The following FAM20C variants were observed in gnomAD, a reference collection of about 807,000 sequenced individuals.
The protein encoded by FAM20C is FAM20C golgi associated secretory pathway kinase.
Under a neutral mutation model 51.5 loss-of-function variants are expected in FAM20C, and 40 were observed. The observed-to-expected ratio is 0.78, with a 90% CI of 0.60 to 1.01. The LOEUF (loss-of-function observed/expected upper bound fraction) is 1.01. Ranked by LOEUF, FAM20C falls within the 50% of genes least tolerant of loss-of-function variation. The pLI is 0.00. For missense variants in FAM20C, 861 were observed against 844.7 expected (o/e 1.02, Z -0.24); for synonymous variants, 406 against 380.6 (o/e 1.07, Z -0.78).
chr7:228,092 C>T lies in FAM20C; in HGVS notation c.864-18323C>T, dbSNP rs115576870. On this transcript the variant is annotated intron_variant, in intron 3 of 9. Transcript: ENST00000313766. ...GCCCTTTAGCCGCACCACAGCGACC[C>T]GTCAGAGCTGATGGGGGACGGCGGG... 4.4e-3 allele frequency: 1,157 copies of T among 260,476 alleles called. 13 individuals carry two copies. The highest frequency in any genetic ancestry group is 0.024 in the African/African-American group (1,091 of 45,604). 16.1% of individuals were successfully genotyped at this position (260,476 alleles called of 1,614,324 possible). A position where few individuals can be genotyped will look rare whatever the true frequency, so the allele number is the denominator to read the frequency against.
chr7:245,491 G>A (rs1292873879), intron 3 of FAM20C, among the ~76,000 whole-genome samples: 3 of 151,866 alleles, frequency 2.0e-5, no homozygotes, highest in East Asian at 3.9e-4. Flanking sequence ...CCTGGGCCTG[G>A]CCTGGGTGGA....
intron 3 of FAM20C, among the ~76,000 whole-genome samples, chr7:213,317 G>A (rs1224914748): frequency 6.6e-6 from 1 of 152,126 alleles, no homozygotes; most frequent in Non-Finnish European, 1.5e-5. Context: ...TCCTTTGTGA[G>A]TGACACGTTT....
Position 193,373 on chromosome 7 carries a change from C to T in FAM20C, c.174C>T (p.Pro58=), listed in dbSNP as rs567930512. ...AGCCCGCCGCCGAGGTGGCCGCGCC[C>T]GGCTGGGCCCAGGTTCGGGGCCGCC... ...CAQPAAEVAA[P]GWAQVRGRPG... Residue 58 remains proline, a synonymous_variant, in exon 1 of 10, where the codon CCC becomes CCT. Coordinates refer to ENST00000313766, the MANE Select transcript of FAM20C (RefSeq NM_020223.4). 2.3e-6 allele frequency: 3 copies of T among 1,279,054 alleles called. No homozygotes were observed. The highest frequency in any genetic ancestry group is 3.0e-6 in the Non-Finnish European group (3 of 1,012,922). The allele number at this position is 1,279,054 out of a possible 1,614,324, so 79.2% of individuals were successfully genotyped here.
intron 3 of FAM20C, among the ~76,000 whole-genome samples, chr7:212,173 T>C (rs1786751620): frequency 6.6e-6 from 1 of 152,218 alleles, no homozygotes; most frequent in Non-Finnish European, 1.5e-5. Context: ...TTAATAGTTC[T>C]CTTTAAAGGC....
At position 251,197 on chromosome 7, in the gene FAM20C, G is replaced by A. The variant is rs551612977; in HGVS notation, c.1072+2767G>A. ...CCTGCACTGAGTGGCCGGGCACGGCGGCTCACGGCTGCACTGAGTGGCCGG... is the reference window on the plus strand; with the variant it reads ...CCTGCACTGAGTGGCCGGGCACGGCAGCTCACGGCTGCACTGAGTGGCCGG... On this transcript the variant is annotated intron_variant, in intron 5 of 9. Transcript: ENST00000313766. Among the ~76,000 whole-genome samples, 124 of 149,598 alleles carry A rather than the reference G, an allele frequency of 8.3e-4. 1 individual carries two copies. Among genetic ancestry groups the A allele is most frequent in the South Asian group, 4.2e-4 (2 of 4,742 alleles).
chr7:193,677 C>T lies in FAM20C; in HGVS notation c.478C>T (p.Leu160Phe). 1.3e-6 allele frequency: 2 copies of T among 1,543,910 alleles called. No homozygotes were observed. The highest frequency in any genetic ancestry group is 1.7e-6 in the Non-Finnish European group (2 of 1,144,576). ...CCCCGGCCCCGGCGGAGACGCCTCC[C>T]TCCTGGCCAGGCTGTTCGAGCACCC... ...SPPGPGGDAS[L>F]LARLFEHPLY... The change falls in exon 1 of 10, where the codon CTC (leucine) becomes TTC (phenylalanine). Residue 160 changes from leucine to phenylalanine, a missense_variant. Around this residue, in one of 3 missense-constraint regions of FAM20C, gnomAD observed 561 missense variants for 499.8 expected, o/e 1.12. Coordinates refer to ENST00000313766, the MANE Select transcript of FAM20C (RefSeq NM_020223.4).
chr7:201,133 C>T (rs1051344478), intron 2 of FAM20C, among the ~76,000 whole-genome samples: 2 of 152,324 alleles, frequency 1.3e-5, no homozygotes, highest in Admixed American at 1.3e-4. Flanking sequence ...TTGGGTGAGG[C>T]CCTACTTCCA....
chr7:205,776 G>C (rs552309314), intron 2 of FAM20C, among the ~76,000 whole-genome samples: 1 of 151,864 alleles, frequency 6.6e-6, no homozygotes, highest in Non-Finnish European at 1.5e-5. Flanking sequence ...GCCCTCCCCC[G>C]TGCTCCTGGC....
intron 3 of FAM20C, among the ~76,000 whole-genome samples, chr7:241,083 G>A (rs1242182661): frequency 4.6e-5 from 7 of 152,080 alleles, no homozygotes; most frequent in Admixed American, 2.0e-4. Context: ...GAGCTTCGGG[G>A]TGAATTGTCC....
chr7:210,712 C>T lies in FAM20C; in HGVS notation c.863+1736C>T, dbSNP rs149661346. On this transcript the variant is annotated intron_variant, in intron 3 of 9. Transcript: ENST00000313766. ...GGGACCTTGAGTGCTGTGTCCCGTC[C>T]GCAGAGAGCAGAGTGTTCCTGGGCG... Among the ~76,000 whole-genome samples, 446 of 152,266 alleles carry T rather than the reference C, an allele frequency of 2.9e-3. 5 individuals carry two copies. The highest frequency in any genetic ancestry group is 0.01 in the African/African-American group (427 of 41,550).
chr7:241,431 T>A (rs1787943078), intron 3 of FAM20C, among the ~76,000 whole-genome samples: 1 of 152,158 alleles, frequency 6.6e-6, no homozygotes, highest in Non-Finnish European at 1.5e-5. Context: ...CTCCGCCTTT[T>A]CAGGGCCACT....
chr7:226,376 G>A (rs969881756), intron 3 of FAM20C, among the ~76,000 whole-genome samples: 7 of 152,146 alleles, frequency 4.6e-5, no homozygotes, highest in Non-Finnish European at 7.4e-5. Context: ...CGTTAACAGC[G>A]TGTCTCCTGC....
chr7:227,441 C>A (rs183509870), intron 3 of FAM20C: 1 of 151,478 alleles, frequency 6.6e-6, no homozygotes, highest in African/African-American at 2.4e-5. Flanking sequence ...TAGCCCCTAA[C>A]TATGCATTTA....
chr7:223,685 G>GC (rs1554252230), intron 3 of FAM20C, among the ~76,000 whole-genome samples: 4 of 152,262 alleles, frequency 2.6e-5, no homozygotes, highest in Admixed American at 6.5e-5. Context: ...TGCAGTCACA[G>GC]GGAGGGGCCC....
At chr7:223,064 C>A (rs992685778) in intron 3 of FAM20C, among the ~76,000 whole-genome samples, 14 of 151,824 alleles carry the variant, frequency 9.2e-5, no homozygotes, top group Admixed American at 9.2e-4. Flanking sequence ...CACACTCATG[C>A]ACGTGTGTGT....
chr7:257,076 A>G lies in FAM20C; in HGVS notation c.1435A>G (p.Asn479Asp). The change falls in exon 8 of 10, where the codon AAT becomes GAT. Residue 479 changes from asparagine to aspartate, a missense_variant. Physicochemically the swap from Asn to Asp is conservative, Grantham distance 23. Transcript: ENST00000313766. ...TGAAACGTTCATCATCCACTTAGAC[A>G]ATGGAAGAGGGTGAGCCTGTCCTCG... ...GNETFIIHLD[N>D]GRGFGKYSHD... 2 of 1,536,926 alleles carry G rather than the reference A, an allele frequency of 1.3e-6. No individual in the cohort carries two copies. The highest frequency in any genetic ancestry group is 8.7e-7 in the Non-Finnish European group (1 of 1,146,860).
At chr7:222,755 T>A (rs1362707022) in intron 3 of FAM20C, among the ~76,000 whole-genome samples, 1 of 152,138 alleles carries the variant, frequency 6.6e-6, no homozygotes, top group Non-Finnish European at 1.5e-5. Flanking sequence ...GGCATGAGCA[T>A]GTGCTCATGT....
chr7:244,363 A>G (rs1202379372), intron 3 of FAM20C, among the ~76,000 whole-genome samples: 1 of 152,218 alleles, frequency 6.6e-6, no homozygotes, highest in African/African-American at 2.4e-5. Flanking sequence ...TTTTAACCTC[A>G]AAAATATCCA....
intron 8 of FAM20C, among the ~76,000 whole-genome samples, chr7:257,798 GC>G (rs1788651558): frequency 4.0e-3 from 490 of 121,438 alleles, no homozygotes; most frequent in African/African-American, 0.014. Context: ...CTGGAGATGG[GC>G]TGGGTGGACC....
Sources: gnomAD v4.1 joint callset for allele counts (sites outside exome capture counted in the v4.1 genomes callset) on GRCh38, gnomAD v4.1.1 for gene constraint, gnomAD v4.1.1 regional missense constraint, MANE v1.5 for transcripts, NCBI Gene and HGNC (gene_info 2026-07-23, HGNC 2026-07-21) for gene names.